The following SLC52A1 variants were observed in gnomAD, a reference collection of about 807,000 sequenced individuals.
SLC52A1 encodes solute carrier family 52 member 1.
SLC52A1 carries 20 observed loss-of-function variants against 23.2 expected under a neutral mutation model. The ratio of observed to expected loss-of-function variants is 0.86; its 90% CI spans 0.61 to 1.25. SLC52A1 has a LOEUF of 1.25. Among genes scored for constraint, SLC52A1 ranks in the 50% most tolerant of loss-of-function variants. The pLI, the probability that SLC52A1 is intolerant of heterozygous loss-of-function variation, is 0.00. For synonymous variants in SLC52A1, 260 were observed against 256.6 expected (o/e 1.01, Z -0.13); for missense variants, 528 against 557.0 (o/e 0.95, Z 0.52).
chr17:5,034,488 T>C lies in SLC52A1; in HGVS notation c.119A>G (p.Asp40Gly), dbSNP rs912816148. 4 of 1,613,910 alleles carry C rather than the reference T, an allele frequency of 2.5e-6. No homozygotes were observed. The highest frequency in any genetic ancestry group is 1.7e-5 in the Admixed American group (1 of 59,984). Reference protein sequence around the residue: ...IWVELPVVVKDLPEGWSLPSY... With the variant: ...IWVELPVVVKGLPEGWSLPSY... Reference sequence around the variant, plus strand: ...TCCCTCCCACTCACCCTCTGGAAGGTCTTTTACCACCACAGGCAGCTCCAC... The same window carrying C: ...TCCCTCCCACTCACCCTCTGGAAGGCCTTTTACCACCACAGGCAGCTCCAC... Residue 40 changes from aspartate to glycine, a missense_variant, in exon 2 of 5, where the codon GAC becomes GGC. By Grantham distance (94) the Asp-to-Gly change is moderately conservative. Coordinates refer to ENST00000254853, the MANE Select transcript of SLC52A1 (RefSeq NM_017986.4).
chr17:5,037,957 C>T (rs1179686757), upstream of SLC52A1, among the ~76,000 whole-genome samples: 2 of 118,642 alleles, frequency 1.7e-5, no homozygotes, highest in African/African-American at 3.4e-5. Context: ...CTCACTGTGT[C>T]GCCCAGGCTG....
intron 1 of SLC52A1, 49 bp from the exon 2 acceptor site, chr17:5,034,762 C>G (rs944321764): frequency 9.6e-7 from 1 of 1,041,888 alleles, no homozygotes; most frequent in Non-Finnish European, 1.3e-6. Flanking sequence ...TGGGACAGAA[C>G]CGGAGTCAGA....
chr17:5,040,431 C>T (rs577986936), upstream of SLC52A1, among the ~76,000 whole-genome samples: 38 of 152,250 alleles, frequency 2.5e-4, no homozygotes, highest in Middle Eastern at 3.4e-3. Context: ...ACCTCAGCCT[C>T]CCAAAGTGTT....
chr17:5,034,507 G>A lies in SLC52A1; in HGVS notation c.100C>T (p.Leu34=), dbSNP rs1975411816. The change falls in exon 2 of 5, where the codon CTG becomes TTG. Residue 34 remains leucine (L), a synonymous_variant. Transcript: ENST00000254853. ...GGAAGGTCTTTTACCACCACAGGCA[G>A]CTCCACCCAGATCCCGTTCACAGCA... The part of the protein sequence containing the change: ...WAAVNGIWVE[L]PVVVKDLPEG... The A allele has an allele frequency of 1.9e-6, 3 of 1,614,222 alleles. No homozygotes were observed. The African/African-American group carries it at 4.0e-5, about 22-fold the overall frequency.
intron 1 of SLC52A1, among the ~76,000 whole-genome samples, chr17:5,041,521 A>C (rs1187395355): frequency 2.6e-5 from 4 of 151,702 alleles, no homozygotes; most frequent in Non-Finnish European, 5.9e-5. Flanking sequence ...CTTATTGCCC[A>C]GGCTGGGGTG....
At chr17:5,041,730 C>T (rs562682587) in intron 1 of SLC52A1, among the ~76,000 whole-genome samples, 4 of 152,218 alleles carry the variant, frequency 2.6e-5, no homozygotes, top group East Asian at 3.9e-4. Flanking sequence ...CCACCTGCCT[C>T]GGCCTCCCAA....
intron 1 of SLC52A1, among the ~76,000 whole-genome samples, chr17:5,041,632 C>T (rs1297434624): frequency 6.6e-6 from 1 of 152,106 alleles, no homozygotes. Flanking sequence ...CACCCACCAC[C>T]CTGCCCAGCT....
In SLC52A1 at chr17:5,032,741, G is replaced by A; in HGVS notation, c.*216C>T. The A allele has an allele frequency of 5.8e-6, 3 of 516,258 alleles. No individual in the cohort carries two copies. The highest frequency in any genetic ancestry group is 1.0e-5 in the Non-Finnish European group (3 of 290,010). The allele number at this position is 516,258 out of a possible 1,614,324, so 32.0% of individuals were successfully genotyped here. ...AAATCCCACAAAGGTCTCAGGCCCT[G>A]GGTCCAAGCCCACAGCCCCAACCTG... On this transcript the variant is annotated 3_prime_UTR_variant, in exon 5 of 5. Coordinates refer to ENST00000254853, the MANE Select transcript of SLC52A1 (RefSeq NM_017986.4).
At chr17:5,037,949 C>T (rs1200360527), upstream of SLC52A1, among the ~76,000 whole-genome samples, 1 of 117,922 alleles carries the variant, frequency 8.5e-6, no homozygotes, top group Non-Finnish European at 1.6e-5. Context: ...GACGGAGTCT[C>T]ACTGTGTCGC....
rs201578619 is a variant in SLC52A1, at chr17:5,033,162, G to C, written c.1142C>G (p.Ser381Trp). The change falls in exon 5 of 5, where the codon TCG becomes TGG. Residue 381 changes from serine to tryptophan, a missense_variant. Coordinates refer to ENST00000254853, the MANE Select transcript of SLC52A1 (RefSeq NM_017986.4). The stretch of plus-strand genomic sequence containing the variant: ...GAACACACACAGACACAGCACCCAC[G>C]ACAGCACCTGCAAGGGAGGACACAG... ...TTAGVVLVVL[S>W]WVLCLCVFSY... 4.3e-6 allele frequency: 7 copies of C among 1,613,368 alleles called. No homozygotes were observed. Among genetic ancestry groups the C allele is most frequent in the Non-Finnish European group, 5.9e-6 (7 of 1,179,676 alleles).
Position 5,033,364 on chromosome 17 carries a change from C to T in SLC52A1, c.1031G>A (p.Gly344Asp), listed in dbSNP as rs560626465. 1.4e-4 allele frequency: 222 copies of T among 1,614,072 alleles called. No homozygotes were observed. In the South Asian group the frequency reaches 2.3e-3, roughly 17 times the overall value. ...VLCRSLAGLV[G>D]LSLLGMLFGA... ...AAAGAGCATGCCCAGCAGAGAAAGACCAACCAGCCCTGCCAGGGACCTGTT... is the reference window on the plus strand; with the variant it reads ...AAAGAGCATGCCCAGCAGAGAAAGATCAACCAGCCCTGCCAGGGACCTGTT... The change falls in exon 4 of 5, where the codon GGT becomes GAT. Residue 344 changes from glycine (G) to aspartate (D), a missense_variant. Coordinates refer to ENST00000254853, the MANE Select transcript of SLC52A1 (RefSeq NM_017986.4).
In SLC52A1 at chr17:5,033,387, G is replaced by A. The variant is rs770026649; in HGVS notation, c.1011-3C>T. 1.2e-6 allele frequency: 2 copies of A among 1,614,054 alleles called. No individual in the cohort carries two copies. Among genetic ancestry groups the A allele is most frequent in the Non-Finnish European group, 1.7e-6 (2 of 1,180,026 alleles). ...GACCAACCAGCCCTGCCAGGGACCTGTTGGGGATGAGCAGAGACTCAGGGC... is the reference window on the plus strand; with the variant it reads ...GACCAACCAGCCCTGCCAGGGACCTATTGGGGATGAGCAGAGACTCAGGGC... On this transcript the variant is annotated splice_region_variant and splice_polypyrimidine_tract_variant and intron_variant, in intron 3 of 4. Coordinates refer to ENST00000254853, the MANE Select transcript of SLC52A1 (RefSeq NM_017986.4).
chr17:5,041,515 T>C lies in SLC52A1; in HGVS notation c.-107-6802A>G, dbSNP rs928608926. 9.9e-5 allele frequency among the ~76,000 whole-genome samples: 15 copies of C among 151,960 alleles called. 1 individual carries two copies. Among genetic ancestry groups the C allele is most frequent in the Admixed American group, 5.9e-4 (9 of 15,226 alleles). ...TTTCTGAGATGGAGTTTCACTCTTA[T>C]TGCCCAGGCTGGGGTGCAATGGTGC... On this transcript the variant is annotated intron_variant, in intron 1 of 3. Coordinates refer to the SLC52A1 transcript ENST00000512825.
upstream of SLC52A1, among the ~76,000 whole-genome samples, chr17:5,036,385 A>G (rs190038428): frequency 3.2e-3 from 440 of 137,410 alleles, 4 homozygotes; most frequent in Admixed American, 5.5e-3. Context: ...CGTGGTGTGC[A>G]CACCTGGCTA....
At chr17:5,038,064 GCC>G (rs1975497768), upstream of SLC52A1, among the ~76,000 whole-genome samples, 1 of 151,088 alleles carries the variant, frequency 6.6e-6, no homozygotes, top group African/African-American at 2.4e-5. Context: ...GACTACAGGC[GCC>G]TGCCACCACG....
rs1166548623 is a variant in SLC52A1, at chr17:5,032,750, C to T, written c.*207G>A. The T allele has an allele frequency of 3.7e-6, 2 of 545,744 alleles. No homozygotes were observed. Among genetic ancestry groups the T allele is most frequent in the African/African-American group, 3.7e-5 (2 of 53,392 alleles). 33.8% of individuals were successfully genotyped at this position (545,744 alleles called of 1,614,324 possible). A position where few individuals can be genotyped will look rare whatever the true frequency, so the allele number is the denominator to read the frequency against. The stretch of plus-strand genomic sequence containing the variant: ...AAAGGTCTCAGGCCCTGGGTCCAAG[C>T]CCACAGCCCCAACCTGTCCCCTGGC... On this transcript the variant is annotated 3_prime_UTR_variant, in exon 5 of 5. Coordinates refer to ENST00000254853, the MANE Select transcript of SLC52A1 (RefSeq NM_017986.4).
chr17:5,038,403 AT>A (rs200891274), upstream of SLC52A1, among the ~76,000 whole-genome samples: 1,284 of 150,030 alleles, frequency 8.6e-3, 11 homozygotes, highest in African/African-American at 0.028. Flanking sequence ...TAAAAAAAAA[AT>A]AGTAAAATAA....
Position 5,033,111 on chromosome 17 carries a change from G to A in SLC52A1, c.1193C>T (p.Ser398Phe), listed in dbSNP as rs1414764086. The change falls in exon 5 of 5, where the codon TCC becomes TTC. Residue 398 changes from serine (S) to phenylalanine (F), a missense_variant. Transcript: ENST00000254853. ...VFSYVKVAAS[S>F]LLHGGGRPAL... ...CGGCCGACCCCCACCATGCAGCAGG[G>A]AGCTTGCAGCCACCTTCACATATGA... The A allele has an allele frequency of 6.2e-6, 10 of 1,613,684 alleles. No individual in the cohort carries two copies. Among genetic ancestry groups the A allele is most frequent in the South Asian group, 1.1e-5 (1 of 91,090 alleles).
At chr17:5,037,411 CG>C (rs1241628346), upstream of SLC52A1, among the ~76,000 whole-genome samples, 1 of 151,920 alleles carries the variant, frequency 6.6e-6, no homozygotes, top group African/African-American at 2.4e-5. Flanking sequence ...CCCAGCTACT[CG>C]GGAGGCTGAG....
Sources: gnomAD v4.1 joint callset for allele counts (sites outside exome capture counted in the v4.1 genomes callset) on GRCh38, gnomAD v4.1.1 for gene constraint, MANE v1.5 for transcripts, NCBI Gene and HGNC (gene_info 2026-07-23, HGNC 2026-07-21) for gene names.